Variants in NUP205 observed in about 807,000 individuals in gnomAD.
NUP205 encodes nucleoporin 205.
A neutral mutation model predicts 253.8 loss-of-function variants in NUP205; 76 were observed. The ratio of observed to expected loss-of-function variants is 0.30; its 90% CI spans 0.25 to 0.36. The LOEUF (loss-of-function observed/expected upper bound fraction) is 0.36. Among genes scored for constraint, NUP205 ranks in the 10% least tolerant of loss-of-function variants. The pLI, the probability that NUP205 is intolerant of heterozygous loss-of-function variation, is 1.00. For missense variants in NUP205, 2,162 were observed against 2,425.5 expected, an observed-to-expected ratio of 0.89 and a Z score of 2.28; for synonymous variants, 832 against 850.1, an observed-to-expected ratio of 0.98 and a Z score of 0.37.
rs754896837 is a variant in NUP205, at chr7:135,587,978, C to T, written c.1459C>T (p.Pro487Ser). The T allele has an allele frequency of 2.5e-6, 4 of 1,612,890 alleles. No individual in the cohort carries two copies. The highest frequency in any genetic ancestry group is 1.1e-5 in the South Asian group (1 of 90,794). ...TTATCTAGGGGTGGCTCATCAGCGG[C>T]CCCCTCAACGCCAGGTGAGTCTTTA... ...GSYLGVAHQR[P>S]PQRQVVLSKF... The change falls in exon 10 of 43, where the codon CCC becomes TCC. Residue 487 changes from proline (P) to serine (S), a missense_variant. Pro to Ser is a moderately conservative substitution (Grantham distance 74). Around this residue, in one of 5 missense-constraint regions of NUP205, gnomAD observed 892 missense variants for 957.1 expected, o/e 0.93. Transcript: ENST00000285968.
At chr7:135,567,178 A>ATATG (rs1254558142) in intron 1 of NUP205, among the ~76,000 whole-genome samples, 10 of 109,972 alleles carry the variant, frequency 9.1e-5, no homozygotes, top group South Asian at 2.8e-4. Context: ...ATATATATAT[A>ATATG]TATGTATATA....
Position 135,617,641 on chromosome 7 carries a change from C to T in NUP205, c.3730C>T (p.Gln1244Ter). The T allele has an allele frequency of 6.2e-7, 1 of 1,612,874 alleles. No homozygotes were observed. The change falls in exon 27 of 43, where the codon CAG becomes TAG. Residue 1244 changes from glutamine to a stop codon, truncating the protein, a stop_gained. Coordinates refer to ENST00000285968, the MANE Select transcript of NUP205 (RefSeq NM_015135.3). LOFTEE classifies it high-confidence loss of function. The part of the protein sequence containing the change: ...RVLVAEVNAL[Q>*]GMAAIGQRPL... Reference sequence around the variant, plus strand: ...TCTTGTAGCTGAAGTAAATGCCCTTCAGGGTATGGCAGCCATAGGACAGAG... The same window carrying T: ...TCTTGTAGCTGAAGTAAATGCCCTTTAGGGTATGGCAGCCATAGGACAGAG...
chr7:135,592,740 A>G (rs1448752472), intron 11 of NUP205, among the ~76,000 whole-genome samples: 1 of 152,182 alleles, frequency 6.6e-6, no homozygotes, highest in African/African-American at 2.4e-5. Flanking sequence ...GACAAAAATT[A>G]GCAAGGCGTT....
At chr7:135,600,265 A>C (rs1285522636) in intron 15 of NUP205, among the ~76,000 whole-genome samples, 8 of 152,206 alleles carry the variant, frequency 5.3e-5, no homozygotes. Context: ...ATTTTGAATA[A>C]GAAGGCGATA....
intron 21 of NUP205, 135 bp downstream of exon 21, chr7:135,607,050 GT>G (rs138701914): frequency 0.034 from 38,197 of 1,129,144 alleles, 778 homozygotes; most frequent in Middle Eastern, 0.074. Context: ...GGATGGGTCA[GT>G]TCTTTAGGGC....
In NUP205 at chr7:135,602,789, T is replaced by C; in HGVS notation, c.2513-16T>C. On this transcript the variant is annotated splice_polypyrimidine_tract_variant and intron_variant, in intron 17 of 42. Transcript: ENST00000285968. ...AGATAAATTTAGAACTTTCTAACTT[T>C]ATTTTTGGTTGATAGGGAAAAAACA... 6.3e-7 allele frequency: 1 copy of C among 1,591,198 alleles called. No homozygotes were observed. The highest frequency in any genetic ancestry group is 8.5e-7 in the Non-Finnish European group (1 of 1,170,136).
intron 8 of NUP205, among the ~76,000 whole-genome samples, chr7:135,586,715 T>G (rs745630192): frequency 6.6e-6 from 1 of 152,204 alleles, no homozygotes; most frequent in Non-Finnish European, 1.5e-5. Flanking sequence ...AATTTCCAGG[T>G]AGTTCACAGA....
chr7:135,566,681 C>T (rs1028972744), intron 1 of NUP205, among the ~76,000 whole-genome samples: 5 of 152,124 alleles, frequency 3.3e-5, no homozygotes, highest in East Asian at 1.9e-4. Flanking sequence ...TCTCATAGCC[C>T]GTTGTACTTC....
At chr7:135,565,399 T>G (rs1202105854) in intron 1 of NUP205, among the ~76,000 whole-genome samples, 1 of 152,090 alleles carries the variant, frequency 6.6e-6, no homozygotes. Flanking sequence ...TTCTTCCTCC[T>G]GTACTGCCCT....
chr7:135,599,932 T>C (rs1006771449), intron 15 of NUP205, among the ~76,000 whole-genome samples: 1 of 152,242 alleles, frequency 6.6e-6, no homozygotes, highest in Admixed American at 6.5e-5. Flanking sequence ...TCCATTATTA[T>C]GTGGTAATAT....
At chr7:135,626,450 G>A (rs1794591785) in intron 33 of NUP205, 89 bp downstream of exon 33, 1 of 1,409,440 alleles carries the variant, frequency 7.1e-7, no homozygotes, top group South Asian at 1.4e-5. Flanking sequence ...TTGCCGCTTA[G>A]CAATTCTCTT....
intron 1 of NUP205, among the ~76,000 whole-genome samples, chr7:135,570,588 C>G (rs949776830): frequency 4.1e-5 from 6 of 146,004 alleles, no homozygotes; most frequent in African/African-American, 1.5e-4. Context: ...TTTTAATAAA[C>G]TATGCTTTTA....
rs571566630 is a variant in NUP205 at position 135,613,448 on chromosome 7, T to C, written c.3196-711T>C. ...TCTGCATTTGCTTTAGTTTTGGTAA[T>C]TTTAATCTTCCAGAGGTTGAGATGT... On this transcript the variant is annotated intron_variant, in intron 22 of 42. Transcript: ENST00000285968. Among the ~76,000 whole-genome samples, 3 of 152,164 alleles carry C rather than the reference T, an allele frequency of 2.0e-5. No homozygotes were observed. In the South Asian group the frequency reaches 6.2e-4, roughly 32 times the overall value.
intron 1 of NUP205, among the ~76,000 whole-genome samples, chr7:135,564,876 C>T (rs1054239466): frequency 2.6e-5 from 4 of 151,938 alleles, no homozygotes; most frequent in African/African-American, 9.7e-5. Flanking sequence ...AAGCGATTCT[C>T]CCACCTCAGC....
intron 4 of NUP205, among the ~76,000 whole-genome samples, chr7:135,576,679 T>A (rs115282672): frequency 5.8e-4 from 88 of 152,246 alleles, no homozygotes; most frequent in African/African-American, 1.9e-3. Flanking sequence ...CTCAGGAGTT[T>A]TAGATCAGCC....
At chr7:135,576,149 GGGC>G in intron 3 of NUP205, 118 bp from the exon 4 acceptor site, 1 of 730,762 alleles carries the variant, frequency 1.4e-6, no homozygotes, top group East Asian at 2.8e-5. Flanking sequence ...GAGGACCCCA[GGGC>G]CCCTTAAGCC....
At chr7:135,636,008 T>C (rs1794804223) in intron 36 of NUP205, among the ~76,000 whole-genome samples, 1 of 152,154 alleles carries the variant, frequency 6.6e-6, no homozygotes, top group Non-Finnish European at 1.5e-5. Context: ...ACTGTGTAAA[T>C]GTCATTTGTG....
chr7:135,559,073 C>T (rs1439312882), intron 1 of NUP205, among the ~76,000 whole-genome samples: 1 of 152,202 alleles, frequency 6.6e-6, no homozygotes, highest in Non-Finnish European at 1.5e-5. Context: ...CCCGTTTATA[C>T]ACCTTTGGAG....
At position 135,614,158 on chromosome 7, in the gene NUP205, G is replaced by A; in HGVS notation, c.3196-1G>A. On this transcript the variant is annotated splice_acceptor_variant, in intron 22 of 42. Transcript: ENST00000285968. LOFTEE classifies it high-confidence loss of function. Reference sequence around the variant, plus strand: ...GGATTTTTCTTACTTTAATGCTTTAGGTCATATATCAGTTATGTGCATGCT... The same window carrying A: ...GGATTTTTCTTACTTTAATGCTTTAAGTCATATATCAGTTATGTGCATGCT... 1 of 1,505,002 alleles carries A rather than the reference G, an allele frequency of 6.6e-7. No homozygotes were observed. Among genetic ancestry groups the A allele is most frequent in the Non-Finnish European group, 9.2e-7 (1 of 1,083,232 alleles). 93.2% of individuals were successfully genotyped at this position (1,505,002 alleles called of 1,614,324 possible). A position where few individuals can be genotyped will look rare whatever the true frequency, so the allele number is the denominator to read the frequency against.
Sources: allele counts gnomAD v4.1 joint callset (sites outside exome capture counted in the v4.1 genomes callset), GRCh38; gene constraint gnomAD v4.1.1; regional missense constraint gnomAD v4.1.1; transcripts MANE v1.5; gene names NCBI Gene and HGNC (gene_info 2026-07-23, HGNC 2026-07-21).